ROBO1: variants seen among roughly 807,000 people sequenced by gnomAD.
ROBO1 encodes the protein roundabout guidance receptor 1, also known as roundabout homolog 1.
Under a neutral mutation model 195.9 loss-of-function variants are expected in ROBO1, and 149 were observed. That is an observed-to-expected ratio of 0.76 (90% CI 0.67 to 0.87). ROBO1 has a LOEUF of 0.87. ROBO1 is among the 40% of genes least tolerant of loss of function. The pLI, the probability that ROBO1 is intolerant of heterozygous loss-of-function variation, is 0.00. For missense variants in ROBO1, 1,933 were observed against 2,068.3 expected (o/e 0.93, Z 1.27); for synonymous variants, 816 against 733.2 (o/e 1.11, Z -1.82).
At chr3:79,304,218 T>C (rs2033117945) in intron 2 of ROBO1, among the ~76,000 whole-genome samples, 1 of 152,202 alleles carries the variant, frequency 6.6e-6, no homozygotes, top group Admixed American at 6.5e-5. Context: ...GGTGGAGTAT[T>C]ATCAAATGAG....
At chr3:79,451,098 T>C (rs2039428915) in intron 2 of ROBO1, among the ~76,000 whole-genome samples, 6 of 152,078 alleles carry the variant, frequency 3.9e-5, no homozygotes. Context: ...ATATGACATA[T>C]TTTACCGTAG....
chr3:79,543,433 GT>G (rs1942151069), intron 2 of ROBO1, among the ~76,000 whole-genome samples: 1 of 151,978 alleles, frequency 6.6e-6, no homozygotes, highest in Admixed American at 6.6e-5. Flanking sequence ...CCAGCCCTTG[GT>G]TGCCTGGGAG....
intron 1 of ROBO1, among the ~76,000 whole-genome samples, chr3:79,641,065 C>G (rs146595931): frequency 6.6e-6 from 1 of 152,078 alleles, no homozygotes; most frequent in Non-Finnish European, 1.5e-5. Flanking sequence ...TGTACTTCCT[C>G]CATCATATAT....
chr3:79,658,320 C>T (rs1946230207), intron 1 of ROBO1, among the ~76,000 whole-genome samples: 1 of 151,968 alleles, frequency 6.6e-6, no homozygotes, highest in African/African-American at 2.4e-5. Flanking sequence ...TTAATTATTT[C>T]TTATTAGTAA....
chr3:79,611,852 C>T (rs1312974665), intron 1 of ROBO1, among the ~76,000 whole-genome samples: 1 of 151,840 alleles, frequency 6.6e-6, no homozygotes, highest in African/African-American at 2.4e-5. Flanking sequence ...AAAACCTGCG[C>T]ATTCTGCATA....
chr3:78,914,254 A>T (rs1017990525), intron 4 of ROBO1, among the ~76,000 whole-genome samples: 1 of 152,210 alleles, frequency 6.6e-6, no homozygotes, highest in African/African-American at 2.4e-5. Context: ...CATAAAGGCT[A>T]TATAAACCAT....
chr3:78,907,876 T>C (rs1365969064), intron 4 of ROBO1, among the ~76,000 whole-genome samples: 3 of 151,820 alleles, frequency 2.0e-5, no homozygotes, highest in Non-Finnish European at 2.9e-5. Context: ...GAAGAAAAAT[T>C]TTTAAAGTGA....
intron 2 of ROBO1, among the ~76,000 whole-genome samples, chr3:79,463,758 T>A (rs1164296888): frequency 1.3e-5 from 2 of 152,176 alleles, no homozygotes; most frequent in African/African-American, 2.4e-5. Context: ...ATATAACATT[T>A]TTACAACTAA....
chr3:79,218,814 T>C (rs1412041840), intron 2 of ROBO1, among the ~76,000 whole-genome samples: 1 of 152,100 alleles, frequency 6.6e-6, no homozygotes, highest in East Asian at 1.9e-4. Flanking sequence ...TATTTATTTC[T>C]ATTGGTGAAA....
chr3:78,705,473 G>A (rs1395830670), intron 8 of ROBO1, among the ~76,000 whole-genome samples: 1 of 152,146 alleles, frequency 6.6e-6, no homozygotes, highest in Non-Finnish European at 1.5e-5. Context: ...GAGAAGTTAG[G>A]CAATTTGCCT....
At chr3:79,623,346 G>A (rs1476673394) in intron 1 of ROBO1, among the ~76,000 whole-genome samples, 2 of 152,208 alleles carry the variant, frequency 1.3e-5, no homozygotes, top group African/African-American at 4.8e-5. Flanking sequence ...TGGAGGATCA[G>A]ATGGATGATT....
chr3:79,057,934 C>T (rs556955424), intron 3 of ROBO1, among the ~76,000 whole-genome samples: 1 of 152,014 alleles, frequency 6.6e-6, no homozygotes, highest in Non-Finnish European at 1.5e-5. Context: ...CAGATACCCC[C>T]CTCTGTGCCT....
chr3:79,244,812 G>A (rs2082593272), intron 2 of ROBO1, among the ~76,000 whole-genome samples: 1 of 152,022 alleles, frequency 6.6e-6, no homozygotes. Context: ...ATTTTAGAAA[G>A]TGTTCAAGAT....
At chr3:79,545,247 G>T (rs1559980129) in intron 2 of ROBO1, among the ~76,000 whole-genome samples, 1 of 152,130 alleles carries the variant, frequency 6.6e-6, no homozygotes, top group East Asian at 1.9e-4. Flanking sequence ...AGTGATGGAT[G>T]AGGAGAAAAG....
chr3:79,575,138 A>G (rs1943411683), intron 2 of ROBO1, among the ~76,000 whole-genome samples: 1 of 79,876 alleles, frequency 1.3e-5, no homozygotes, highest in Admixed American at 1.2e-4. Flanking sequence ...AATATATATA[A>G]CAAATATATA....
At chr3:78,870,929 A>G (rs2035507825) in intron 4 of ROBO1, among the ~76,000 whole-genome samples, 1 of 152,196 alleles carries the variant, frequency 6.6e-6, no homozygotes, top group African/African-American at 2.4e-5. Flanking sequence ...AAATAGGAAT[A>G]AAAATAACCA....
At chr3:78,759,006 C>G (rs1406776146) in intron 4 of ROBO1, 1 of 152,224 alleles carries the variant, frequency 6.6e-6, no homozygotes, top group East Asian at 1.9e-4. Flanking sequence ...GCTGCGAGAG[C>G]TGTGATGGAC....
intron 1 of ROBO1, among the ~76,000 whole-genome samples, chr3:79,684,715 G>T (rs1047431741): frequency 6.6e-6 from 1 of 151,912 alleles, no homozygotes; most frequent in Non-Finnish European, 1.5e-5. Flanking sequence ...TTGCTCTGTC[G>T]CCCAGACTGG....
chr3:79,310,265 A>G (rs2033419121), intron 2 of ROBO1, among the ~76,000 whole-genome samples: 1 of 152,180 alleles, frequency 6.6e-6, no homozygotes, highest in African/African-American at 2.4e-5. Flanking sequence ...CTCTGTTAAA[A>G]GCTGCTCATC....
Sources: gnomAD v4.1 joint callset for allele counts (sites outside exome capture counted in the v4.1 genomes callset) on GRCh38, gnomAD v4.1.1 for gene constraint, MANE v1.5 for transcripts, NCBI Gene and HGNC (gene_info 2026-07-23, HGNC 2026-07-21) for gene names.